Variants in FLT4 observed in about 807,000 individuals in gnomAD.
FLT4 encodes the protein fms related receptor tyrosine kinase 4, also known as vascular endothelial growth factor receptor 3.
Under a neutral mutation model 163.2 loss-of-function variants are expected in FLT4, and 30 were observed. The ratio of observed to expected loss-of-function variants is 0.18; its 90% CI spans 0.14 to 0.25. FLT4 has a LOEUF of 0.25. Among genes scored for constraint, FLT4 ranks in the 10% least tolerant of loss-of-function variants. The pLI, the probability that FLT4 is intolerant of heterozygous loss-of-function variation, is 1.00. For synonymous variants in FLT4, 884 were observed against 789.5 expected (o/e 1.12, Z -2.01); for missense variants, 1,510 against 1,863.8 (o/e 0.81, Z 3.50).
chr5:180,650,132 G>C (rs535013583), upstream of FLT4, among the ~76,000 whole-genome samples: 327 of 137,462 alleles, frequency 2.4e-3, 1 homozygote, highest in African/African-American at 8.4e-3. Context: ...AGGTTGCAGT[G>C]AGCCGAGATC....
At chr5:180,648,263 T>A (rs1199221801) in intron 1 of FLT4, among the ~76,000 whole-genome samples, 1 of 152,068 alleles carries the variant, frequency 6.6e-6, no homozygotes, top group Non-Finnish European at 1.5e-5. Context: ...TCCTCCCTCC[T>A]CCCCTGGTTG....
chr5:180,628,633 A>G (rs1232006947), intron 8 of FLT4, among the ~76,000 whole-genome samples: 1 of 152,196 alleles, frequency 6.6e-6, no homozygotes, highest in Non-Finnish European at 1.5e-5. Context: ...TGTGCCCACC[A>G]CACCCACATG....
At position 180,620,750 on chromosome 5, in the gene FLT4, G is replaced by A. The variant is rs752310668; in HGVS notation, c.2300-35C>T. 1.9e-6 allele frequency: 3 copies of A among 1,597,606 alleles called. No individual in the cohort carries two copies. The highest frequency in any genetic ancestry group is 2.7e-5 in the African/African-American group (2 of 74,616). Reference sequence around the variant, plus strand: ...CAGAAAGGGGCCGGCGTGTGTGTGTGTGTGTGTAAGAGCGTGCACCTGCAG... The same window carrying A: ...CAGAAAGGGGCCGGCGTGTGTGTGTATGTGTGTAAGAGCGTGCACCTGCAG... On this transcript the variant is annotated intron_variant, in intron 15 of 29. Transcript: ENST00000261937. The surrounding 1 kb of genome is among the most constrained non-coding windows in gnomAD (Gnocchi z 4.4).
chr5:180,648,321 A>T (rs1765579201), intron 1 of FLT4, among the ~76,000 whole-genome samples: 1 of 152,168 alleles, frequency 6.6e-6, no homozygotes, highest in African/African-American at 2.4e-5. Flanking sequence ...GCCAGTGGAC[A>T]TACAGGTGGT....
chr5:180,616,662 T>C (rs1762716231), intron 22 of FLT4, among the ~76,000 whole-genome samples, 173 bp from the exon 23 acceptor site: 1 of 152,106 alleles, frequency 6.6e-6, no homozygotes, highest in Non-Finnish European at 1.5e-5. Flanking sequence ...GGAGAGAGCT[T>C]GTGGAATTGT....
intron 29 of FLT4, among the ~76,000 whole-genome samples, chr5:180,603,776 C>T (rs1038472013): frequency 3.9e-5 from 6 of 152,024 alleles, no homozygotes; most frequent in South Asian, 2.1e-4. Flanking sequence ...TGGTGGCGGG[C>T]GCCTGTAGTC....
chr5:180,642,960 T>C (rs537733059), intron 1 of FLT4, among the ~76,000 whole-genome samples: 21 of 152,302 alleles, frequency 1.4e-4, no homozygotes, highest in African/African-American at 5.1e-4. Context: ...ACCCCTGCGG[T>C]TGCCTCCGTA....
Position 180,630,013 on chromosome 5 carries a change from C to G in FLT4, c.606G>C (p.Leu202=), listed in dbSNP as rs759809929. The G allele has an allele frequency of 1.7e-5, 27 of 1,612,714 alleles. No individual in the cohort carries two copies. In the East Asian group the frequency reaches 5.8e-4, roughly 35 times the overall value. Residue 202 remains leucine, a synonymous_variant, in exon 5 of 30, where the codon CTG becomes CTC. Coordinates refer to ENST00000261937, the MANE Select transcript of FLT4 (RefSeq NM_182925.5). The surrounding 1 kb of genome is among the most constrained non-coding windows in gnomAD (Gnocchi z 6.3). The stretch of plus-strand genomic sequence containing the variant: ...CCCAGGTGGTCTCGCACTGCAGGTA[C>G]AGGGCATCGTGCAGCAGTGGCGTGG... ...LVSTPLLHDA[L]YLQCETTWGD...
intron 23 of FLT4, among the ~76,000 whole-genome samples, chr5:180,614,425 C>T (rs1245594836): frequency 1.3e-5 from 2 of 152,124 alleles, no homozygotes; most frequent in Non-Finnish European, 2.9e-5. Flanking sequence ...CTGGGCCCCT[C>T]TCCCTCCCAG....
intron 13 of FLT4, 129 bp from the exon 14 acceptor site, chr5:180,621,381 G>A (rs1421762838): frequency 5.1e-6 from 7 of 1,385,968 alleles, no homozygotes; most frequent in African/African-American, 2.9e-5. Flanking sequence ...GGGCAGGAGC[G>A]CGGCGCGCCT....
intron 1 of FLT4, among the ~76,000 whole-genome samples, chr5:180,645,166 C>T (rs563619620): frequency 1.3e-5 from 2 of 152,290 alleles, no homozygotes; most frequent in South Asian, 4.1e-4. Flanking sequence ...TTACAGCAGT[C>T]CCTTTGGGGC....
intron 24 of FLT4, chr5:180,613,330 C>G (rs771821491): frequency 2.0e-6 from 1 of 494,910 alleles, no homozygotes; most frequent in East Asian, 3.2e-5. Context: ...TAAAAGAGGA[C>G]TGTGCCGCCT....
At chr5:180,627,819 C>T (rs559137219) in intron 8 of FLT4, among the ~76,000 whole-genome samples, 32 of 152,282 alleles carry the variant, frequency 2.1e-4, no homozygotes, top group Admixed American at 4.6e-4. Context: ...GAGCTGTACC[C>T]GTGAGTGAGG....
intron 10 of FLT4, 148 bp from the exon 11 acceptor site, chr5:180,624,209 T>G (rs1581659759): frequency 1.3e-6 from 1 of 769,278 alleles, no homozygotes; most frequent in Non-Finnish European, 2.1e-6. Context: ...GTGAGGGAGA[T>G]GGGAAGGGGA....
In FLT4 at chr5:180,629,331, G is replaced by A; in HGVS notation, c.913C>T (p.Leu305=). 4 of 1,613,346 alleles carry A rather than the reference G, an allele frequency of 2.5e-6. No individual in the cohort carries two copies. Among genetic ancestry groups the A allele is most frequent in the Non-Finnish European group, 3.4e-6 (4 of 1,180,012 alleles). Residue 305 remains leucine (L), a synonymous_variant, in exon 7 of 30, where the codon CTG becomes TTG. Coordinates refer to ENST00000261937, the MANE Select transcript of FLT4 (RefSeq NM_182925.5). The stretch of plus-strand genomic sequence containing the variant: ...TTGGCCTTGCACACATACGAGCCCA[G>A]GTCGTGCTGGCTGACGTTGTGGATG... ...LTIHNVSQHD[L]GSYVCKANNG... is the part of the protein sequence containing the mutation.
At chr5:180,619,425 AC>A (rs753869484) in intron 18 of FLT4, 59 bp from the exon 19 acceptor site, 19 of 1,259,408 alleles carry the variant, frequency 1.5e-5, no homozygotes, top group Non-Finnish European at 2.0e-5. Context: ...GTTCCCCGCC[AC>A]CCGGCGCTTT....
At chr5:180,603,627 T>C (rs544539787) in intron 29 of FLT4, among the ~76,000 whole-genome samples, 5 of 152,086 alleles carry the variant, frequency 3.3e-5, no homozygotes, top group South Asian at 2.1e-4. Flanking sequence ...TGAGGCCGGG[T>C]GCGGTGGCTC....
chr5:180,622,879 G>C, intron 11 of FLT4, 40 bp from the exon 12 acceptor site: 1 of 1,403,950 alleles, frequency 7.1e-7, no homozygotes, highest in Non-Finnish European at 1.0e-6. Flanking sequence ...TCCTGCCCAA[G>C]TTCTCCCAAC....
chr5:180,643,825 G>GTT (rs573767056), intron 1 of FLT4, among the ~76,000 whole-genome samples: 35 of 143,702 alleles, frequency 2.4e-4, no homozygotes, highest in African/African-American at 8.1e-4. Flanking sequence ...CTTTTAACAG[G>GTT]TTTTTTTTTT....
Sources: allele counts gnomAD v4.1 joint callset (sites outside exome capture counted in the v4.1 genomes callset), GRCh38; gene constraint gnomAD v4.1.1; non-coding constraint Gnocchi (gnomAD v3.1); transcripts MANE v1.5; gene names NCBI Gene and HGNC (gene_info 2026-07-23, HGNC 2026-07-21).